Variants in PDCD6 observed in about 807,000 individuals in gnomAD.
PDCD6 encodes programmed cell death protein 6.
In PDCD6, 12 loss-of-function variants were observed where a neutral mutation model predicts 28.3. The ratio of observed to expected loss-of-function variants is 0.42; its 90% CI spans 0.27 to 0.69. The LOEUF (loss-of-function observed/expected upper bound fraction) is 0.69, where lower values mean the gene tolerates loss of function less well. Among genes scored for constraint, PDCD6 ranks in the 30% least tolerant of loss-of-function variants. The probability of loss-of-function intolerance (pLI) is 0.22; values close to 1 mark genes in which losing one functional copy is unlikely to be tolerated. For missense variants in PDCD6, 226 were observed against 269.9 expected (o/e 0.84, Z 1.14); for synonymous variants, 92 against 108.0 (o/e 0.85, Z 0.92).
chr5:286,965 C>G (rs1216518453), intron 2 of PDCD6, among the ~76,000 whole-genome samples: 1 of 150,906 alleles, frequency 6.6e-6, no homozygotes, highest in Non-Finnish European at 1.5e-5. Flanking sequence ...CAGTGGGGAG[C>G]AGTGTTCTAG....
rs906887001 is a variant in PDCD6 at position 314,814 on chromosome 5, C to G, written c.*299C>G. 8.5e-6 allele frequency: 4 copies of G among 471,462 alleles called. No homozygotes were observed. The highest frequency in any genetic ancestry group is 1.6e-5 in the Non-Finnish European group (4 of 253,326). 29.2% of individuals were successfully genotyped at this position (471,462 alleles called of 1,614,324 possible). ...ATCTATCATGTGCTTTTCTAGATGTCTCTGGTTCTATAGTGCAAATGCTTT... is the reference window on the plus strand; with the variant it reads ...ATCTATCATGTGCTTTTCTAGATGTGTCTGGTTCTATAGTGCAAATGCTTT... On this transcript the variant is annotated 3_prime_UTR_variant, in exon 6 of 6. Transcript: ENST00000264933.
chr5:280,356 G>A (rs1738487036), intron 2 of PDCD6, among the ~76,000 whole-genome samples: 1 of 152,036 alleles, frequency 6.6e-6, no homozygotes, highest in African/African-American at 2.4e-5. Flanking sequence ...GGGCTGTGCT[G>A]GGCACTGTGG....
chr5:275,814 C>T (rs1441186724), intron 2 of PDCD6, among the ~76,000 whole-genome samples: 2 of 152,190 alleles, frequency 1.3e-5, no homozygotes, highest in Non-Finnish European at 2.9e-5. Context: ...TGATTTAGTA[C>T]ACCGTGTTTC....
chr5:303,297 T>TAA (rs34022166), intron 2 of PDCD6, among the ~76,000 whole-genome samples: 1,821 of 129,142 alleles, frequency 0.014, 44 homozygotes, highest in African/African-American at 0.047. Flanking sequence ...TTTTTGTGCA[T>TAA]AAAAAAAAAA....
chr5:294,735 T>A (rs1323188459), intron 2 of PDCD6, among the ~76,000 whole-genome samples: 1 of 152,140 alleles, frequency 6.6e-6, no homozygotes, highest in Non-Finnish European at 1.5e-5. Flanking sequence ...TGCACAAACC[T>A]GCACACAAGT....
At chr5:273,939 T>G (rs866912250) in intron 2 of PDCD6, among the ~76,000 whole-genome samples, 1,469 of 95,528 alleles carry the variant, frequency 0.015, 17 homozygotes, top group African/African-American at 0.11. Context: ...ATCCTCGTTT[T>G]TTTTTTTTTT....
intron 2 of PDCD6, among the ~76,000 whole-genome samples, chr5:295,102 C>G (rs1031740823): frequency 2.0e-5 from 3 of 152,218 alleles, no homozygotes; most frequent in Non-Finnish European, 4.4e-5. Context: ...AGGGGCTGTA[C>G]AGCAAACACT....
chr5:289,238 A>C (rs569218190), intron 2 of PDCD6: 2 of 608,528 alleles, frequency 3.3e-6, no homozygotes, highest in Non-Finnish European at 5.6e-6. Context: ...CTGATGTTCT[A>C]TAATTCAAAT....
rs1740510528 is a variant in PDCD6, at chr5:306,687, C to T, written c.294C>T (p.Val98=). The T allele has an allele frequency of 1.2e-6, 2 of 1,614,050 alleles. No homozygotes were observed. Among genetic ancestry groups the T allele is most frequent in the South Asian group, 1.1e-5 (1 of 91,078 alleles). The change falls in exon 4 of 6, where the codon GTC becomes GTT. Residue 98 remains valine, a synonymous_variant. Transcript: ENST00000264933. ...AGTACATCACGGACTGGCAGAACGTCTTCCGCACGTACGACCGGGACAACT... is the reference window on the plus strand; with the variant it reads ...AGTACATCACGGACTGGCAGAACGTTTTCCGCACGTACGACCGGGACAACT... ...VWKYITDWQN[V]FRTYDRDNSG...
At chr5:292,011 G>A (rs1409161775) in intron 2 of PDCD6, among the ~76,000 whole-genome samples, 1 of 152,146 alleles carries the variant, frequency 6.6e-6, no homozygotes, top group East Asian at 1.9e-4. Context: ...CTTCACAACC[G>A]TTCTTAGCAG....
chr5:298,644 C>CCAGCTGCTCCCCCT (rs1739771560), intron 2 of PDCD6, among the ~76,000 whole-genome samples: 1 of 79,904 alleles, frequency 1.3e-5, no homozygotes, highest in Non-Finnish European at 3.1e-5. Flanking sequence ...GCTGCTCCCC[C>CCAGCTGCTCCCCCT]CAGCTGCTCC....
chr5:279,783 CAAAAAAAAAAAAAA>C (rs35224887), intron 2 of PDCD6, among the ~76,000 whole-genome samples: 1 of 75,606 alleles, frequency 1.3e-5, no homozygotes, highest in Non-Finnish European at 2.3e-5. Context: ...AAAGTAATGG[CAAAAAAAAAAAAAA>C]AAAAAAAAAC....
At position 303,111 on chromosome 5, in the gene PDCD6, G is replaced by A. The variant is rs537570523; in HGVS notation, c.164-1066G>A. 3.9e-3 allele frequency among the ~76,000 whole-genome samples: 596 copies of A among 152,226 alleles called. 4 individuals carry two copies. Among genetic ancestry groups the A allele is most frequent in the Non-Finnish European group, 6.5e-3 (442 of 68,004 alleles). On this transcript the variant is annotated intron_variant, in intron 2 of 5. Coordinates refer to ENST00000264933, the MANE Select transcript of PDCD6 (RefSeq NM_013232.4). ...GGGTGTGTGTGTCTTAGGAGGGGAC[G>A]CACTTCAGGTGAGAGCGGGCATGGC...
At chr5:290,482 G>A (rs1739251459) in intron 2 of PDCD6, among the ~76,000 whole-genome samples, 1 of 152,156 alleles carries the variant, frequency 6.6e-6, no homozygotes, top group African/African-American at 2.4e-5. Context: ...GGAAGCATGT[G>A]AGAGAGTGAG....
chr5:292,114 G>T (rs903793632), intron 2 of PDCD6, among the ~76,000 whole-genome samples: 4 of 152,176 alleles, frequency 2.6e-5, no homozygotes, highest in African/African-American at 9.6e-5. Context: ...TGGGTGTCAC[G>T]TGATATCTCC....
In PDCD6 at chr5:289,562, C is replaced by T. The variant is rs143058914; in HGVS notation, c.164-14615C>T. ...GCTTGAATGGCTGTTTCTCTGACTTCGCCTTTTTTGTCAAACATGAGTCTT... is the reference window on the plus strand; with the variant it reads ...GCTTGAATGGCTGTTTCTCTGACTTTGCCTTTTTTGTCAAACATGAGTCTT... On this transcript the variant is annotated intron_variant, in intron 2 of 5. Coordinates refer to ENST00000264933, the MANE Select transcript of PDCD6 (RefSeq NM_013232.4). The T allele has an allele frequency of 1.8e-3, 1,421 of 797,466 alleles. 15 individuals carry two copies. The African/African-American group carries it at 0.022, about 12-fold the overall frequency. The allele number at this position is 797,466 out of a possible 1,614,324, so 49.4% of individuals were successfully genotyped here.
chr5:310,377 A>C (rs1740828843), intron 4 of PDCD6: 1 of 152,816 alleles, frequency 6.5e-6, no homozygotes, highest in Non-Finnish European at 1.5e-5. Flanking sequence ...CTGTTTGTGC[A>C]GGTCATTAAC....
intron 2 of PDCD6, among the ~76,000 whole-genome samples, chr5:303,535 A>C (rs1258711576): frequency 6.6e-6 from 1 of 151,936 alleles, no homozygotes; most frequent in Non-Finnish European, 1.5e-5. Flanking sequence ...GAGTCTGAGG[A>C]TAGTACAGCT....
intron 2 of PDCD6, among the ~76,000 whole-genome samples, chr5:292,270 T>C (rs945426408): frequency 5.3e-5 from 8 of 152,236 alleles, no homozygotes; most frequent in Admixed American, 2.6e-4. Flanking sequence ...CCTATTGTTA[T>C]GTTTTTGAGA....
Sources: allele counts gnomAD v4.1 joint callset (sites outside exome capture counted in the v4.1 genomes callset), GRCh38; gene constraint gnomAD v4.1.1; transcripts MANE v1.5; gene names NCBI Gene and HGNC (gene_info 2026-07-23, HGNC 2026-07-21).